SULF1: variants seen among roughly 807,000 people sequenced by gnomAD.
SULF1 encodes the protein extracellular sulfatase Sulf-1.
In SULF1, 46 loss-of-function variants were observed where a neutral mutation model predicts 110.5. The ratio of observed to expected loss-of-function variants is 0.42; its 90% CI spans 0.33 to 0.53. The LOEUF (loss-of-function observed/expected upper bound fraction) is 0.53. SULF1 is among the 20% of genes least tolerant of loss of function. SULF1 has a pLI of 0.12. For missense variants in SULF1, 941 were observed against 1,094.2 expected, an observed-to-expected ratio of 0.86 and a Z score of 1.98; for synonymous variants, 371 against 387.1, an observed-to-expected ratio of 0.96 and a Z score of 0.49.
chr8:69,600,985 A>T (rs1310268052), intron 9 of SULF1, among the ~76,000 whole-genome samples: 1 of 152,178 alleles, frequency 6.6e-6, no homozygotes, highest in Non-Finnish European at 1.5e-5. Flanking sequence ...AAAAGAGGAG[A>T]GAAAAATCAA....
intron 3 of SULF1, among the ~76,000 whole-genome samples, chr8:69,544,394 G>C (rs1036368662): frequency 6.6e-6 from 1 of 151,898 alleles, no homozygotes; most frequent in Non-Finnish European, 1.5e-5. Context: ...TCAGCCTCCT[G>C]AGTAGCTGGG....
At chr8:69,610,104 T>G (rs919833894) in intron 13 of SULF1, among the ~76,000 whole-genome samples, 5 of 152,248 alleles carry the variant, frequency 3.3e-5, no homozygotes, top group South Asian at 2.1e-4. Context: ...ATCCTTTTGA[T>G]GAGTTGTTGA....
At chr8:69,476,353 G>A (rs1025641800) in intron 1 of SULF1, among the ~76,000 whole-genome samples, 10 of 151,952 alleles carry the variant, frequency 6.6e-5, no homozygotes, top group African/African-American at 1.9e-4. Context: ...AAAATAAGAG[G>A]GCCATTCTCT....
intron 22 of SULF1, among the ~76,000 whole-genome samples, chr8:69,641,577 A>T (rs1386064088): frequency 2.0e-5 from 3 of 151,962 alleles, no homozygotes. Flanking sequence ...AGATAAAAAA[A>T]AATTTTTAAC....
intron 1 of SULF1, among the ~76,000 whole-genome samples, chr8:69,474,639 G>A (rs1194001133): frequency 1.3e-5 from 2 of 152,124 alleles, no homozygotes; most frequent in African/African-American, 4.8e-5. Context: ...CATAGGACAT[G>A]TAATATTTTT....
intron 5 of SULF1, among the ~76,000 whole-genome samples, chr8:69,571,591 C>A (rs775385539): frequency 6.6e-6 from 1 of 152,144 alleles, no homozygotes; most frequent in Non-Finnish European, 1.5e-5. Flanking sequence ...GAATCAGCAC[C>A]GTTTGCATTT....
Position 69,586,232 on chromosome 8 carries a change from A to G in SULF1, c.413-125A>G, listed in dbSNP as rs544889722. On this transcript the variant is annotated intron_variant, in intron 6 of 22. Coordinates refer to ENST00000402687, the MANE Select transcript of SULF1 (RefSeq NM_001128205.2). ...AGTATTACACTAATGTCATTTTGGCATTCACTATTACCTAGGGCAACTTTT... is the reference window on the plus strand; with the variant it reads ...AGTATTACACTAATGTCATTTTGGCGTTCACTATTACCTAGGGCAACTTTT... 5.5e-6 allele frequency: 5 copies of G among 912,348 alleles called. No individual in the cohort carries two copies. In the East Asian group the frequency reaches 1.4e-4, roughly 26 times the overall value. The allele number at this position is 912,348 out of a possible 1,614,324, so 56.5% of individuals were successfully genotyped here. A position where few individuals can be genotyped will look rare whatever the true frequency, so the allele number is the denominator to read the frequency against.
rs1282077958 is a variant in SULF1 at position 69,603,274 on chromosome 8, G to A, written c.1144G>A (p.Gly382Ser). Residue 382 changes from glycine to serine, a missense_variant, in exon 11 of 23, where the codon GGC (glycine) becomes AGC (serine). Physicochemically the swap from Gly to Ser is moderately conservative, Grantham distance 56. Coordinates refer to ENST00000402687, the MANE Select transcript of SULF1 (RefSeq NM_001128205.2). ...GCTCGACACACCTCCTGATGTGGACGGCAAGTCTGTCCTCAAACTTCTGGA... is the reference window on the plus strand; with the variant it reads ...GCTCGACACACCTCCTGATGTGGACAGCAAGTCTGTCCTCAAACTTCTGGA... ...AGLDTPPDVDGKSVLKLLDPE... is the reference protein window; with the variant it reads ...AGLDTPPDVDSKSVLKLLDPE... 3 of 1,613,948 alleles carry A rather than the reference G, an allele frequency of 1.9e-6. No individual in the cohort carries two copies. The highest frequency in any genetic ancestry group is 2.2e-5 in the East Asian group (1 of 44,884).
At chr8:69,471,736 G>A (rs1283403558) in intron 1 of SULF1, among the ~76,000 whole-genome samples, 1 of 152,164 alleles carries the variant, frequency 6.6e-6, no homozygotes, top group African/African-American at 2.4e-5. Flanking sequence ...ACAGATAGGA[G>A]TACTTATCTT....
At chr8:69,613,384 G>A (rs1808826880) in intron 13 of SULF1, among the ~76,000 whole-genome samples, 1 of 140,468 alleles carries the variant, frequency 7.1e-6, no homozygotes, top group African/African-American at 2.7e-5. Context: ...TCATGAAAAT[G>A]GACACAAGTA....
chr8:69,511,769 T>C (rs956143648), intron 3 of SULF1, among the ~76,000 whole-genome samples: 1 of 152,228 alleles, frequency 6.6e-6, no homozygotes, highest in Non-Finnish European at 1.5e-5. Context: ...TGTTGTTTTT[T>C]CTATGGGTTT....
At position 69,650,895 on chromosome 8, in the gene SULF1, G is replaced by A. The variant is rs1297764961; in HGVS notation, c.2586-7610G>A. On this transcript the variant is annotated intron_variant, in intron 22 of 22. Coordinates refer to ENST00000402687, the MANE Select transcript of SULF1 (RefSeq NM_001128205.2). ...ATTTGGAAACAGCCATTTCTCCAAA[G>A]GGCCCCAGTTCCTTTTAAAGGGGAA... is the stretch of plus-strand genomic sequence containing the variant. 2.0e-5 allele frequency among the ~76,000 whole-genome samples: 3 copies of A among 152,016 alleles called. No homozygotes were observed. In the East Asian group the frequency reaches 5.8e-4, roughly 29 times the overall value.
intron 19 of SULF1, among the ~76,000 whole-genome samples, chr8:69,633,917 C>A (rs1209989130): frequency 6.6e-6 from 1 of 152,000 alleles, no homozygotes; most frequent in African/African-American, 2.4e-5. Context: ...TTTCATGAAA[C>A]AAGTTTAAAA....
rs1226991334 is a variant in SULF1, at chr8:69,492,882, G to T, written c.-634G>T. 6.6e-6 allele frequency: 1 copy of T among 152,558 alleles called. No individual in the cohort carries two copies. The allele number at this position is 152,558 out of a possible 1,614,324, so 9.5% of individuals were successfully genotyped here. A position where few individuals can be genotyped will look rare whatever the true frequency, so the allele number is the denominator to read the frequency against. The stretch of plus-strand genomic sequence containing the variant: ...GCTAATGAATCTTGGGGCCGGTGTC[G>T]GGCCGGGGCGGCTTGATCGGCAACT... On this transcript the variant is annotated 5_prime_UTR_variant, in exon 1 of 23. Transcript: ENST00000402687.
At chr8:69,574,011 A>G (rs1805427070) in intron 5 of SULF1, among the ~76,000 whole-genome samples, 1 of 152,070 alleles carries the variant, frequency 6.6e-6, no homozygotes, top group Non-Finnish European at 1.5e-5. Flanking sequence ...TCAGGGGTAG[A>G]CGGCTTCAGC....
At chr8:69,653,520 C>G (rs1242453215) in intron 22 of SULF1, among the ~76,000 whole-genome samples, 1 of 152,244 alleles carries the variant, frequency 6.6e-6, no homozygotes, top group Non-Finnish European at 1.5e-5. Context: ...TCCTTGAGTT[C>G]GAAGTGTGCT....
At chr8:69,573,983 G>A (rs761001052) in intron 5 of SULF1, among the ~76,000 whole-genome samples, 6 of 152,066 alleles carry the variant, frequency 3.9e-5, no homozygotes, top group Admixed American at 6.6e-5. Flanking sequence ...AGGCATAGTC[G>A]TCCGAGTTCT....
chr8:69,660,467 A>T lies in SULF1; in HGVS notation c.*1932A>T, dbSNP rs1276341124. 1.3e-5 allele frequency: 2 copies of T among 152,636 alleles called. No individual in the cohort carries two copies. The highest frequency in any genetic ancestry group is 2.9e-5 in the Non-Finnish European group (2 of 68,036). The allele number at this position is 152,636 out of a possible 1,614,324, so 9.5% of individuals were successfully genotyped here. A position where few individuals can be genotyped will look rare whatever the true frequency, so the allele number is the denominator to read the frequency against. On this transcript the variant is annotated 3_prime_UTR_variant, in exon 23 of 23. Coordinates refer to ENST00000402687, the MANE Select transcript of SULF1 (RefSeq NM_001128205.2). ...TAGGTTTTTAAATACCAGCTAAAGG[A>T]TTACCTCACTGAGTCATCAGTACCC...
chr8:69,518,310 C>T (rs757132165), intron 3 of SULF1, among the ~76,000 whole-genome samples: 5 of 152,268 alleles, frequency 3.3e-5, no homozygotes, highest in African/African-American at 4.8e-5. Flanking sequence ...TTAATATGCT[C>T]GAGCATATTT....
Sources: allele counts gnomAD v4.1 joint callset (sites outside exome capture counted in the v4.1 genomes callset), GRCh38; gene constraint gnomAD v4.1.1; transcripts MANE v1.5; gene names NCBI Gene and HGNC (gene_info 2026-07-23, HGNC 2026-07-21).